Variants in FIRRM observed in about 807,000 individuals in gnomAD.
FIRRM encodes FIGNL1-interacting regulator of recombination and mitosis.
chr1:169,794,177 G>T, the FIRRM span, among the ~76,000 whole-genome samples: 7 of 152,308 alleles, frequency 4.6e-5, no homozygotes, highest in African/African-American at 1.4e-4. Flanking sequence ...TAAAGTCCAA[G>T]ATATTCAGAC....
chr1:169,851,888 A>G, the FIRRM span: 73 of 1,613,800 alleles, frequency 4.5e-5, no homozygotes, highest in Non-Finnish European at 5.8e-5. Flanking sequence ...TTTTCTGGGA[A>G]CCCTTTGCTA....
At chr1:169,793,457 C>T in the FIRRM span, 2 of 1,614,208 alleles carry the variant, frequency 1.2e-6, no homozygotes, top group South Asian at 2.2e-5. Flanking sequence ...GCTGGCTGCA[C>T]TGAGTGGACT....
At chr1:169,827,663 G>A in the FIRRM span, 6 of 1,605,918 alleles carry the variant, frequency 3.7e-6, no homozygotes, top group Admixed American at 5.0e-5. Context: ...ATTCCTTTAC[G>A]TATTAATCAG....
the FIRRM span, among the ~76,000 whole-genome samples, chr1:169,807,563 C>T: frequency 1.3e-5 from 2 of 152,124 alleles, no homozygotes; most frequent in African/African-American, 4.8e-5. Context: ...ATGCCTCATA[C>T]ATAGTAAGAA....
the FIRRM span, among the ~76,000 whole-genome samples, chr1:169,824,734 C>T: frequency 6.6e-6 from 1 of 152,300 alleles, no homozygotes; most frequent in Non-Finnish European, 1.5e-5. Context: ...GGGCATGTCT[C>T]ACTCTTGGTT....
the FIRRM span, chr1:169,803,333 TTGAA>T: frequency 6.2e-7 from 1 of 1,609,822 alleles, no homozygotes; most frequent in Non-Finnish European, 8.5e-7. Flanking sequence ...TAATTATACT[TTGAA>T]TGGTATATAA....
chr1:169,823,562 A>T, the FIRRM span: 10 of 729,020 alleles, frequency 1.4e-5, no homozygotes, highest in East Asian at 2.9e-4. Context: ...GATAAAACAG[A>T]ATAATTTTTC....
the FIRRM span, among the ~76,000 whole-genome samples, chr1:169,823,947 G>A: frequency 6.6e-6 from 1 of 152,116 alleles, no homozygotes; most frequent in Admixed American, 6.5e-5. Flanking sequence ...TTAGATGGGG[G>A]CTAAGTGACT....
At chr1:169,847,789 C>T in the FIRRM span, 2 of 1,600,040 alleles carry the variant, frequency 1.2e-6, no homozygotes, top group Non-Finnish European at 1.7e-6. Flanking sequence ...ACTTTTTATA[C>T]CTGAAGCTAT....
chr1:169,803,060 G>A, the FIRRM span: 30 of 934,456 alleles, frequency 3.2e-5, no homozygotes, highest in South Asian at 5.0e-4. Context: ...AAAAGAGGAA[G>A]AGACTGTGTT....
At chr1:169,804,340 C>A in the FIRRM span, 2 of 935,462 alleles carry the variant, frequency 2.1e-6, no homozygotes, top group Non-Finnish European at 2.9e-6. Flanking sequence ...ACTAATTATG[C>A]ATTAAAATTG....
At chr1:169,799,847 C>A in the FIRRM span, among the ~76,000 whole-genome samples, 7 of 151,690 alleles carry the variant, frequency 4.6e-5, no homozygotes, top group Admixed American at 3.9e-4. Context: ...GCCGCTGAGC[C>A]TGGCCCCAGA....
the FIRRM span, chr1:169,836,918 T>G: frequency 6.2e-7 from 1 of 1,603,298 alleles, no homozygotes; most frequent in East Asian, 2.2e-5. Context: ...CTTTAACAAT[T>G]TATTTCAGCT....
chr1:169,832,528 G>T, the FIRRM span: 2 of 1,558,260 alleles, frequency 1.3e-6, no homozygotes, highest in Non-Finnish European at 1.8e-6. Context: ...TATCATCTTT[G>T]TCACTGTCTG....
At chr1:169,807,759 G>A in the FIRRM span, 3 of 1,536,494 alleles carry the variant, frequency 2.0e-6, no homozygotes, top group East Asian at 7.2e-5. Flanking sequence ...GTTACTTGTG[G>A]TGATTGTATT....
the FIRRM span, among the ~76,000 whole-genome samples, chr1:169,846,505 A>C: frequency 6.6e-6 from 1 of 152,202 alleles, no homozygotes; most frequent in Non-Finnish European, 1.5e-5. Flanking sequence ...TGTTTAATGC[A>C]ACCACTTCCA....
chr1:169,829,819 A>C, the FIRRM span, among the ~76,000 whole-genome samples: 1 of 152,224 alleles, frequency 6.6e-6, no homozygotes, highest in African/African-American at 2.4e-5. Flanking sequence ...GAGGTTAAGA[A>C]ATTCTAGGAA....
chr1:169,843,033 G>A, the FIRRM span, among the ~76,000 whole-genome samples: 1 of 152,172 alleles, frequency 6.6e-6, no homozygotes, highest in Non-Finnish European at 1.5e-5. Context: ...TTGTACACGT[G>A]TTTCTTAGTT....
At chr1:169,841,407 A>C in the FIRRM span, among the ~76,000 whole-genome samples, 1 of 152,222 alleles carries the variant, frequency 6.6e-6, no homozygotes, top group Non-Finnish European at 1.5e-5. Context: ...AAAAGGAAAT[A>C]GGTAAATCTT....
Sources: gnomAD v4.1 joint callset for allele counts (sites outside exome capture counted in the v4.1 genomes callset) on GRCh38, gnomAD v4.1.1 for gene constraint, MANE v1.5 for transcripts, NCBI Gene and HGNC (gene_info 2026-07-23, HGNC 2026-07-21) for gene names.